Variants in OSBPL5 observed in about 807,000 individuals in gnomAD.
OSBPL5 encodes the protein oxysterol binding protein like 5.
OSBPL5 carries 71 observed loss-of-function variants against 111.2 expected under a neutral mutation model. The observed-to-expected ratio is 0.64, with a 90% CI of 0.53 to 0.78. The LOEUF is 0.78. Ranked by LOEUF, OSBPL5 falls within the 30% of genes least tolerant of loss-of-function variation. OSBPL5 has a pLI of 0.00. For synonymous variants in OSBPL5, 549 were observed against 513.9 expected, an observed-to-expected ratio of 1.07 and a Z score of -0.93; for missense variants, 1,210 against 1,189.3, an observed-to-expected ratio of 1.02 and a Z score of -0.26.
chr11:3,097,929 G>A (rs576422226), intron 14 of OSBPL5, among the ~76,000 whole-genome samples: 4 of 152,216 alleles, frequency 2.6e-5, no homozygotes, highest in African/African-American at 7.2e-5. Context: ...TTTGCTGGGC[G>A]TGGTGGCGGG....
intron 7 of OSBPL5, 61 bp downstream of exon 7, chr11:3,119,486 C>T (rs978052638): frequency 2.7e-6 from 4 of 1,498,138 alleles, no homozygotes; most frequent in African/African-American, 2.9e-5. Flanking sequence ...GCTACAACCT[C>T]AAAAGGGGGC....
chr11:3,100,598 T>C (rs1857418583), intron 13 of OSBPL5, among the ~76,000 whole-genome samples: 1 of 151,788 alleles, frequency 6.6e-6, no homozygotes, highest in Admixed American at 6.6e-5. Context: ...GTGGAGGGAG[T>C]ACGCCTCGCT....
In OSBPL5 at chr11:3,140,025, C is replaced by G. The variant is rs1846057899; in HGVS notation, c.-21-10856G>C. 6.6e-6 allele frequency among the ~76,000 whole-genome samples: 1 copy of G among 152,244 alleles called. No individual in the cohort carries two copies. Among genetic ancestry groups the G allele is most frequent in the African/African-American group, 2.4e-5 (1 of 41,476 alleles). ...GCCAGCCTCACAAGATCATTCATCG[C>G]AAGCTCTGGGCCCACTGCTCGGCTG... On this transcript the variant is annotated intron_variant, in intron 1 of 21. Transcript: ENST00000263650. This position sits in a 1 kb window ranked among gnomAD's most constrained non-coding sequence, Gnocchi z 4.5.
At chr11:3,112,068 T>C (rs1481990840) in intron 7 of OSBPL5, among the ~76,000 whole-genome samples, 3 of 78,770 alleles carry the variant, frequency 3.8e-5, no homozygotes, top group African/African-American at 1.3e-4. Context: ...TGTGTATGTG[T>C]GTGTGCATGT....
chr11:3,145,363 C>T (rs993980580), intron 1 of OSBPL5, among the ~76,000 whole-genome samples: 2 of 152,220 alleles, frequency 1.3e-5, no homozygotes, highest in African/African-American at 4.8e-5. Flanking sequence ...CTGGCAGCCC[C>T]TGCAACCAGT....
In OSBPL5 at chr11:3,140,777, G is replaced by A. The variant is rs1008902818; in HGVS notation, c.-21-11608C>T. Among the ~76,000 whole-genome samples, 3 of 152,134 alleles carry A rather than the reference G, an allele frequency of 2.0e-5. No individual in the cohort carries two copies. The highest frequency in any genetic ancestry group is 6.5e-5 in the Admixed American group (1 of 15,286). ...CCTCCTTGGGGTATGTGGGTACCTG[G>A]GGCGGCCCCTCATGTCCAGGAGCTG... On this transcript the variant is annotated intron_variant, in intron 1 of 21. Transcript: ENST00000263650. This position sits in a 1 kb window ranked among gnomAD's most constrained non-coding sequence, Gnocchi z 4.5.
rs991590730 is a variant in OSBPL5, at chr11:3,140,952, A to T, written c.-21-11783T>A. 1.3e-5 allele frequency among the ~76,000 whole-genome samples: 2 copies of T among 151,852 alleles called. No homozygotes were observed. The highest frequency in any genetic ancestry group is 2.9e-5 in the Non-Finnish European group (2 of 67,942). On this transcript the variant is annotated intron_variant, in intron 1 of 21. Transcript: ENST00000263650. This position sits in a 1 kb window ranked among gnomAD's most constrained non-coding sequence, Gnocchi z 4.5. ...CCACCTCAGAGCCACTCCTTCCCCG[A>T]TGCCATCTGTCAAGGGTCAGGGGTC... is the stretch of plus-strand genomic sequence containing the variant.
chr11:3,118,926 C>T (rs546631810), intron 7 of OSBPL5, among the ~76,000 whole-genome samples: 1 of 152,146 alleles, frequency 6.6e-6, no homozygotes. Flanking sequence ...GGGGTTCACA[C>T]TGGCATGTGG....
At chr11:3,093,905 G>A (rs897509192) in intron 15 of OSBPL5, 70 bp from the exon 16 acceptor site, 37 of 1,522,188 alleles carry the variant, frequency 2.4e-5, no homozygotes, top group South Asian at 1.9e-4. Context: ...ATCCTCATGG[G>A]GGCACGGAAC....
chr11:3,100,754 C>T (rs1379688629), intron 13 of OSBPL5, among the ~76,000 whole-genome samples: 2 of 152,122 alleles, frequency 1.3e-5, no homozygotes, highest in Non-Finnish European at 2.9e-5. Context: ...CAGGCGCACA[C>T]CTGCCCATGG....
rs771728390 is a variant in OSBPL5 at position 3,129,017 on chromosome 11, G to A, written c.132C>T (p.Ser44=). The A allele has an allele frequency of 9.5e-6, 15 of 1,576,770 alleles. No individual in the cohort carries two copies. Among genetic ancestry groups the A allele is most frequent in the South Asian group, 4.6e-5 (4 of 86,862 alleles). The change falls in exon 2 of 22, where the codon AGC becomes AGT. Residue 44 remains serine, a synonymous_variant. Coordinates refer to ENST00000263650, the MANE Select transcript of OSBPL5 (RefSeq NM_020896.4). The part of the protein sequence containing the change: ...LSGDNELYPL[S]PGKDMEPNGP... ...CTGCCCACGGCCGGCACTTACCTGG[G>A]CTGAGTGGGTAGAGCTCATTGTCTC...
intron 14 of OSBPL5, among the ~76,000 whole-genome samples, chr11:3,097,997 G>T (rs1298532571): frequency 1.3e-5 from 2 of 152,156 alleles, no homozygotes; most frequent in Admixed American, 1.3e-4. Context: ...GAACCCAGGT[G>T]GTGGAGGTTG....
In OSBPL5 at chr11:3,121,533, C is replaced by G. The variant is rs532630580; in HGVS notation, c.402+464G>C. Among the ~76,000 whole-genome samples the G allele has an allele frequency of 1.4e-3, 208 of 152,220 alleles. No individual in the cohort carries two copies. Among genetic ancestry groups the G allele is most frequent in the African/African-American group, 4.7e-3 (195 of 41,540 alleles). ...TATCTGGTATGCGTTGCCCAGCAGC[C>G]TCGGAGTTGGGCAGTTTTACCTCCA... On this transcript the variant is annotated intron_variant, in intron 5 of 21. Transcript: ENST00000263650. This position sits in a 1 kb window ranked among gnomAD's most constrained non-coding sequence, Gnocchi z 4.3.
At chr11:3,108,862 G>A (rs1339655385) in intron 7 of OSBPL5, among the ~76,000 whole-genome samples, 1 of 152,166 alleles carries the variant, frequency 6.6e-6, no homozygotes, top group African/African-American at 2.4e-5. Flanking sequence ...TCTGCCTCCC[G>A]GGTTCAAGCG....
intron 1 of OSBPL5, among the ~76,000 whole-genome samples, chr11:3,144,370 C>A (rs1846263256): frequency 6.6e-6 from 1 of 152,218 alleles, no homozygotes; most frequent in African/African-American, 2.4e-5. Flanking sequence ...TGCAGAAACG[C>A]TGGCAGCGGT....
Position 3,092,508 on chromosome 11 carries a change from C to T in OSBPL5, c.2183G>A (p.Gly728Glu). The change falls in exon 19 of 22, where the codon GGG becomes GAG. Residue 728 changes from glycine (G) to glutamate (E), a missense_variant. Gly to Glu is a moderately conservative substitution (Grantham distance 98). Transcript: ENST00000263650. The surrounding 1 kb of genome is among the most constrained non-coding windows in gnomAD (Gnocchi z 5.4). ...CTCCTGCTGCAAGGTCCGCAGGATC[C>T]CGTCTTGCTCAAACTGGGCGATGTC... is the stretch of plus-strand genomic sequence containing the variant. ...LKDIAQFEQD[G>E]ILRTLQQEAV... 6.3e-7 allele frequency: 1 copy of T among 1,583,256 alleles called. No individual in the cohort carries two copies. Among genetic ancestry groups the T allele is most frequent in the Non-Finnish European group, 8.6e-7 (1 of 1,165,132 alleles).
chr11:3,124,811 A>G (rs370362457), intron 3 of OSBPL5, among the ~76,000 whole-genome samples: 24 of 150,782 alleles, frequency 1.6e-4, no homozygotes, highest in Middle Eastern at 3.4e-3. Context: ...TGAATGGATG[A>G]ATGGATGGAT....
intron 7 of OSBPL5, among the ~76,000 whole-genome samples, chr11:3,112,480 T>TTTC (rs911272251): frequency 2.2e-5 from 3 of 139,452 alleles, no homozygotes; most frequent in African/African-American, 8.4e-5. Context: ...TTTCTTTTCT[T>TTTC]TTTTTTTTTT....
intron 1 of OSBPL5, among the ~76,000 whole-genome samples, chr11:3,144,299 G>A (rs1846259170): frequency 6.6e-6 from 1 of 152,208 alleles, no homozygotes; most frequent in Non-Finnish European, 1.5e-5. Flanking sequence ...GTGCCATGGT[G>A]CCAAGGAGCA....
Sources: allele counts gnomAD v4.1 joint callset (sites outside exome capture counted in the v4.1 genomes callset), GRCh38; gene constraint gnomAD v4.1.1; non-coding constraint Gnocchi (gnomAD v3.1); transcripts MANE v1.5; gene names NCBI Gene and HGNC (gene_info 2026-07-23, HGNC 2026-07-21).